ACTN4: variants seen among roughly 807,000 people sequenced by gnomAD.
The protein encoded by ACTN4 is alpha-actinin-4.
A neutral mutation model predicts 114.2 loss-of-function variants in ACTN4; 18 were observed. The observed-to-expected ratio is 0.16, with a 90% CI of 0.11 to 0.23. The LOEUF (loss-of-function observed/expected upper bound fraction) is 0.23, where lower values mean the gene tolerates loss of function less well. ACTN4 is among the 10% of genes least tolerant of loss of function. The pLI is 1.00. For synonymous variants in ACTN4, 515 were observed against 506.3 expected (o/e 1.02, Z -0.23); for missense variants, 722 against 1,262.9 (o/e 0.57, Z 6.49).
chr19:38,664,809 AGAT>A (rs1966906198), intron 1 of ACTN4, among the ~76,000 whole-genome samples: 1 of 152,188 alleles, frequency 6.6e-6, no homozygotes, highest in Admixed American at 6.5e-5. Context: ...TGAAAGGCAT[AGAT>A]GATAAGGAGG....
rs374756140 is a variant in ACTN4 at position 38,728,037 on chromosome 19, C to T, written c.2418+11C>T. On this transcript the variant is annotated intron_variant, in intron 19 of 20. Coordinates refer to ENST00000252699, the MANE Select transcript of ACTN4 (RefSeq NM_004924.6). ...GAGAACGACCGGCAGGTACTGCACC[C>T]TGGGCCCCAGCGGACCATGGCATTA... is the stretch of plus-strand genomic sequence containing the variant. The T allele has an allele frequency of 6.0e-5, 97 of 1,605,182 alleles. No individual in the cohort carries two copies. The Middle Eastern group carries it at 1.2e-3, about 19-fold the overall frequency.
chr19:38,688,819 A>G (rs1967831130), intron 1 of ACTN4, among the ~76,000 whole-genome samples: 1 of 152,234 alleles, frequency 6.6e-6, no homozygotes, highest in Admixed American at 6.5e-5. Flanking sequence ...AGTATTGACT[A>G]GGATGGGAGA....
At chr19:38,712,605 G>A (rs532193230) in intron 8 of ACTN4, among the ~76,000 whole-genome samples, 77 of 152,146 alleles carry the variant, frequency 5.1e-4, no homozygotes, top group African/African-American at 1.6e-3. Flanking sequence ...CTTGTGTTTG[G>A]AGTGTTCTGC....
chr19:38,700,574 C>A, intron 1 of ACTN4, 26 bp from the exon 2 acceptor site: 1 of 1,588,320 alleles, frequency 6.3e-7, no homozygotes, highest in Non-Finnish European at 8.6e-7. Flanking sequence ...TGACTCTGCG[C>A]ACTGTCCTTT....
rs200337488 is a variant in ACTN4, at chr19:38,727,636, CCG to C, written c.2338-309_2338-308del. 3.8e-3 allele frequency among the ~76,000 whole-genome samples: 537 copies of C among 141,330 alleles called. 11 individuals are homozygous for C. The highest frequency in any genetic ancestry group is 6.0e-3 in the Non-Finnish European group (388 of 64,318). The allele number at this position is 141,330 out of a possible 152,430, so 92.7% of individuals were successfully genotyped here. On this transcript the variant is annotated intron_variant, in intron 18 of 20. Coordinates refer to ENST00000252699, the MANE Select transcript of ACTN4 (RefSeq NM_004924.6). This position sits in a 1 kb window ranked among gnomAD's most constrained non-coding sequence, Gnocchi z 5.4. Reference sequence around the variant, plus strand: ...CCCAAAGGCAAGGAGAACCCCCCCCCCGACCCTCCACCAGTCCTGGGACTTGT... The same window carrying C: ...CCCAAAGGCAAGGAGAACCCCCCCCCACCCTCCACCAGTCCTGGGACTTGT...
Position 38,709,387 on chromosome 19 carries a change from CCTT to C in ACTN4, c.652-5_652-3del, listed in dbSNP as rs1426269549. 3 of 1,612,522 alleles carry C rather than the reference CCTT, an allele frequency of 1.9e-6. No individual in the cohort carries two copies. The highest frequency in any genetic ancestry group is 1.7e-5 in the Admixed American group (1 of 59,996). On this transcript the variant is annotated splice_region_variant and splice_polypyrimidine_tract_variant and intron_variant, in intron 6 of 20. Coordinates refer to ENST00000252699, the MANE Select transcript of ACTN4 (RefSeq NM_004924.6). Reference sequence around the variant, plus strand: ...GAGTTCTTGTTGTCCCCACTTGCCTCCTTCTAGGACGACCCTGTCACCAACCTG... The same window carrying C: ...GAGTTCTTGTTGTCCCCACTTGCCTCCTAGGACGACCCTGTCACCAACCTG...
At chr19:38,725,594 C>A in intron 16 of ACTN4, 130 bp from the exon 17 acceptor site, 1 of 982,894 alleles carries the variant, frequency 1.0e-6, no homozygotes, top group Non-Finnish European at 1.5e-6. Flanking sequence ...CCCAGGGACC[C>A]ATGGGCCAAG....
chr19:38,708,025 G>A, intron 5 of ACTN4, 92 bp from the exon 6 acceptor site: 1 of 1,289,820 alleles, frequency 7.8e-7, no homozygotes, highest in Non-Finnish European at 1.1e-6. Flanking sequence ...GCAGTGAATG[G>A]GAATTAGTCA....
At chr19:38,651,216 C>T (rs541666418) in intron 1 of ACTN4, among the ~76,000 whole-genome samples, 2 of 152,158 alleles carry the variant, frequency 1.3e-5, no homozygotes, top group Non-Finnish European at 2.9e-5. Context: ...GAATTGAATT[C>T]TTCTAGGAAT....
At chr19:38,706,801 C>T (rs1453746905) in intron 5 of ACTN4, among the ~76,000 whole-genome samples, 2 of 152,242 alleles carry the variant, frequency 1.3e-5, no homozygotes, top group Non-Finnish European at 2.9e-5. Flanking sequence ...AAAATGTACT[C>T]TGTGGCTGCT....
intron 8 of ACTN4, 85 bp downstream of exon 8, chr19:38,710,427 C>A: frequency 1.4e-6 from 2 of 1,426,942 alleles, no homozygotes; most frequent in Admixed American, 1.7e-5. Flanking sequence ...CACCTCATTT[C>A]TCTTGCAGAC....
Position 38,725,850 on chromosome 19 carries a change from C to G in ACTN4, c.2137C>G (p.Leu713Val). The change falls in exon 17 of 21, where the codon CTC (leucine) becomes GTC (valine). Residue 713 changes from leucine to valine, a missense_variant. Coordinates refer to ENST00000252699, the MANE Select transcript of ACTN4 (RefSeq NM_004924.6). ...GGACCTGCTGGAGCAGCAGCACCAG[C>G]TCATCCAGGAGGCCCTCATCTTCGA... ...NLDLLEQQHQ[L>V]IQEALIFDNK... 6.2e-7 allele frequency: 1 copy of G among 1,614,182 alleles called. No homozygotes were observed. The highest frequency in any genetic ancestry group is 1.1e-5 in the South Asian group (1 of 91,088).
At chr19:38,673,892 C>G (rs1054937176) in intron 1 of ACTN4, among the ~76,000 whole-genome samples, 5 of 145,278 alleles carry the variant, frequency 3.4e-5, no homozygotes, top group African/African-American at 5.1e-5. Context: ...AAGCAATTCT[C>G]TGCCTCAGCC....
chr19:38,713,262 G>T (rs2145046198), intron 8 of ACTN4, among the ~76,000 whole-genome samples: 1 of 152,344 alleles, frequency 6.6e-6, no homozygotes, highest in African/African-American at 2.4e-5. Flanking sequence ...AACACCGCCA[G>T]TGCACTGAGC....
At chr19:38,668,176 A>C (rs1352218870) in intron 1 of ACTN4, among the ~76,000 whole-genome samples, 1 of 152,214 alleles carries the variant, frequency 6.6e-6, no homozygotes, top group Non-Finnish European at 1.5e-5. Context: ...ATACAGTTAG[A>C]GTGCCCCCCT....
chr19:38,674,829 G>A (rs1967324033), intron 1 of ACTN4, among the ~76,000 whole-genome samples: 1 of 152,226 alleles, frequency 6.6e-6, no homozygotes, highest in African/African-American at 2.4e-5. Context: ...GGCATATGGT[G>A]ACATCAGTGT....
chr19:38,660,024 A>G (rs567953627), intron 1 of ACTN4, among the ~76,000 whole-genome samples: 1 of 149,048 alleles, frequency 6.7e-6, no homozygotes, highest in Admixed American at 6.8e-5. Context: ...GATTCAAGCT[A>G]TTATTCTCCT....
intron 1 of ACTN4, among the ~76,000 whole-genome samples, chr19:38,679,568 CGTGT>C (rs10583743): frequency 7.6e-4 from 111 of 145,510 alleles, no homozygotes; most frequent in East Asian, 3.8e-3. Context: ...TTTGGGTGTG[CGTGT>C]GTGTGTGTGT....
intron 3 of ACTN4, among the ~76,000 whole-genome samples, chr19:38,701,931 G>C (rs762839065): frequency 6.6e-6 from 1 of 152,208 alleles, no homozygotes; most frequent in African/African-American, 2.4e-5. Flanking sequence ...CCAAGACTCC[G>C]GGCCAGAATG....
Sources: allele counts gnomAD v4.1 joint callset (sites outside exome capture counted in the v4.1 genomes callset), GRCh38; gene constraint gnomAD v4.1.1; non-coding constraint Gnocchi (gnomAD v3.1); transcripts MANE v1.5; gene names NCBI Gene and HGNC (gene_info 2026-07-23, HGNC 2026-07-21).